The following GPC5 variants were observed in gnomAD, a reference collection of about 807,000 sequenced individuals.
GPC5 encodes the protein glypican 5.
Under a neutral mutation model 53.9 loss-of-function variants are expected in GPC5, and 47 were observed. The ratio of observed to expected loss-of-function variants is 0.87; its 90% CI spans 0.69 to 1.11. The LOEUF is 1.11. GPC5 is among the 50% of genes most tolerant of loss of function. GPC5 has a pLI of 0.00. For synonymous variants in GPC5, 286 were observed against 263.3 expected (o/e 1.09, Z -0.84); for missense variants, 748 against 713.1 (o/e 1.05, Z -0.56).
At chr13:91,710,000 C>G (rs1164586504) in intron 3 of GPC5, among the ~76,000 whole-genome samples, 1 of 152,196 alleles carries the variant, frequency 6.6e-6, no homozygotes, top group Non-Finnish European at 1.5e-5. Flanking sequence ...AGTCTCCTGA[C>G]TTGCCCTCCC....
chr13:91,853,994 T>C (rs1011505003), intron 5 of GPC5, among the ~76,000 whole-genome samples: 1 of 151,866 alleles, frequency 6.6e-6, no homozygotes, highest in East Asian at 1.9e-4. Context: ...AATTTCACTA[T>C]GGTTATTTTT....
chr13:92,212,498 G>A (rs2042382568), intron 7 of GPC5, among the ~76,000 whole-genome samples: 1 of 152,146 alleles, frequency 6.6e-6, no homozygotes. Context: ...GCTTAAGACA[G>A]TCCTTCAAAG....
At chr13:91,608,001 A>G (rs1191777716) in intron 2 of GPC5, among the ~76,000 whole-genome samples, 1 of 152,234 alleles carries the variant, frequency 6.6e-6, no homozygotes, top group Non-Finnish European at 1.5e-5. Context: ...TCCTCAAATA[A>G]TATATTTATT....
chr13:92,196,055 C>T (rs1425815272), intron 7 of GPC5, among the ~76,000 whole-genome samples: 1 of 152,044 alleles, frequency 6.6e-6, no homozygotes, highest in Non-Finnish European at 1.5e-5. Flanking sequence ...AAAGTGGAAG[C>T]ACAGCGGAAA....
At chr13:91,588,318 A>G (rs924750807) in intron 2 of GPC5, among the ~76,000 whole-genome samples, 3 of 152,158 alleles carry the variant, frequency 2.0e-5, no homozygotes, top group Non-Finnish European at 2.9e-5. Flanking sequence ...GGCTACATGT[A>G]GGAATTTCAG....
chr13:92,672,307 G>A (rs1315603296), intron 7 of GPC5, among the ~76,000 whole-genome samples: 2 of 152,122 alleles, frequency 1.3e-5, no homozygotes, highest in Non-Finnish European at 2.9e-5. Flanking sequence ...GATAATTAGA[G>A]AAATACAAAT....
chr13:92,607,589 C>T (rs1180318853), intron 7 of GPC5, among the ~76,000 whole-genome samples: 1 of 152,026 alleles, frequency 6.6e-6, no homozygotes, highest in Non-Finnish European at 1.5e-5. Flanking sequence ...ACAGTAGAGC[C>T]TCAAATTGTC....
At chr13:92,759,319 A>G (rs963001679) in intron 7 of GPC5, among the ~76,000 whole-genome samples, 20 of 151,886 alleles carry the variant, frequency 1.3e-4, no homozygotes, top group African/African-American at 4.1e-4. Flanking sequence ...TTGGATCTAT[A>G]TATTACTTTA....
chr13:91,788,140 A>G (rs1340000518), intron 5 of GPC5, among the ~76,000 whole-genome samples: 2 of 152,232 alleles, frequency 1.3e-5, no homozygotes, highest in African/African-American at 4.8e-5. Flanking sequence ...TTTATTTCTT[A>G]CAGTTTTAGA....
chr13:91,431,800 G>A (rs1879472959), intron 1 of GPC5, among the ~76,000 whole-genome samples: 1 of 152,196 alleles, frequency 6.6e-6, no homozygotes, highest in African/African-American at 2.4e-5. Flanking sequence ...GATGCCAAAG[G>A]AAGTATCTGT....
chr13:91,552,231 C>G (rs1241993734), intron 2 of GPC5, among the ~76,000 whole-genome samples: 1 of 151,878 alleles, frequency 6.6e-6, no homozygotes, highest in Non-Finnish European at 1.5e-5. Context: ...GCTCTTGATT[C>G]CTTGTTGTTT....
intron 2 of GPC5, among the ~76,000 whole-genome samples, chr13:91,491,917 A>G (rs73602345): frequency 0.03 from 4,552 of 152,274 alleles, 240 homozygotes; most frequent in African/African-American, 0.1. Context: ...CCTGATAGAT[A>G]TGTCTTTTTG....
At chr13:91,415,598 C>A (rs1878155260) in intron 1 of GPC5, among the ~76,000 whole-genome samples, 1 of 152,096 alleles carries the variant, frequency 6.6e-6, no homozygotes, top group Non-Finnish European at 1.5e-5. Flanking sequence ...CCTTCTCTTC[C>A]CCCATTCTTG....
chr13:92,633,740 C>G (rs1484162424), intron 7 of GPC5, among the ~76,000 whole-genome samples: 1 of 151,810 alleles, frequency 6.6e-6, no homozygotes, highest in Non-Finnish European at 1.5e-5. Context: ...TGTTTTCTGC[C>G]ATATTAATCA....
chr13:92,770,278 G>T (rs1353648740), intron 7 of GPC5, among the ~76,000 whole-genome samples: 2 of 151,896 alleles, frequency 1.3e-5, no homozygotes, highest in Non-Finnish European at 2.9e-5. Context: ...GTTGGGGGTG[G>T]TGGCTCCTGC....
At chr13:92,103,253 TAGATTGCTGG>T (rs1194939872) in intron 6 of GPC5, among the ~76,000 whole-genome samples, 1 of 152,114 alleles carries the variant, frequency 6.6e-6, no homozygotes, top group Non-Finnish European at 1.5e-5. Flanking sequence ...TTACATATAA[TAGATTGCTGG>T]AGATTGCTGA....
At chr13:92,661,828 T>A (rs1265346997) in intron 7 of GPC5, among the ~76,000 whole-genome samples, 1 of 152,182 alleles carries the variant, frequency 6.6e-6, no homozygotes, top group South Asian at 2.1e-4. Context: ...AAGAATACAG[T>A]GTGAATTTAA....
intron 7 of GPC5, among the ~76,000 whole-genome samples, chr13:92,226,603 C>T (rs928243504): frequency 6.6e-6 from 1 of 151,548 alleles, no homozygotes; most frequent in Non-Finnish European, 1.5e-5. Context: ...GACTGAGAAA[C>T]AAGCAGAACT....
At chr13:92,865,912 G>T (rs952039351) in intron 7 of GPC5, among the ~76,000 whole-genome samples, 4 of 151,928 alleles carry the variant, frequency 2.6e-5, no homozygotes, top group Non-Finnish European at 4.4e-5. Context: ...TATTTTCATG[G>T]GAAAAGTTTT....
Sources: gnomAD v4.1 joint callset for allele counts (sites outside exome capture counted in the v4.1 genomes callset) on GRCh38, gnomAD v4.1.1 for gene constraint, MANE v1.5 for transcripts, NCBI Gene and HGNC (gene_info 2026-07-23, HGNC 2026-07-21) for gene names.